ESCO2: variants seen among roughly 807,000 people sequenced by gnomAD.
ESCO2 encodes the protein N-acetyltransferase ESCO2.
A neutral mutation model predicts 61.7 loss-of-function variants in ESCO2; 51 were observed. That is an observed-to-expected ratio of 0.83 (90% CI 0.66 to 1.04). The LOEUF (loss-of-function observed/expected upper bound fraction) is 1.04, where lower values mean the gene tolerates loss of function less well. Ranked by LOEUF, ESCO2 falls within the 50% of genes least tolerant of loss-of-function variation. The pLI is 0.00. For synonymous variants in ESCO2, 230 were observed against 238.2 expected (o/e 0.97, Z 0.32); for missense variants, 692 against 686.2 (o/e 1.01, Z -0.09).
Position 27,803,601 on chromosome 8 carries a change from A to ATT in ESCO2, c.*163_*164insTT, listed in dbSNP as rs1805503090. ...ACATATCACAGTTTTGTTCCTTATGAGTTGAAAAGTCAGGAATAAATTTGT... is the reference window on the plus strand; with the variant it reads ...ACATATCACAGTTTTGTTCCTTATGATTGTTGAAAAGTCAGGAATAAATTTGT... On this transcript the variant is annotated 3_prime_UTR_variant, in exon 11 of 11. Transcript: ENST00000305188. The ATT allele has an allele frequency of 1.4e-6, 2 of 1,385,924 alleles. No homozygotes were observed. The highest frequency in any genetic ancestry group is 3.6e-5 in the South Asian group (2 of 55,662). The allele number at this position is 1,385,924 out of a possible 1,614,324, so 85.9% of individuals were successfully genotyped here.
At chr8:27,791,003 A>G (rs1211162264) in intron 7 of ESCO2, among the ~76,000 whole-genome samples, 1 of 152,176 alleles carries the variant, frequency 6.6e-6, no homozygotes, top group Non-Finnish European at 1.5e-5. Context: ...TTACTCTTTC[A>G]ATTAAAAAGC....
At chr8:27,787,189 T>A (rs1038536162) in intron 5 of ESCO2, among the ~76,000 whole-genome samples, 5 of 152,196 alleles carry the variant, frequency 3.3e-5, no homozygotes, top group Admixed American at 1.3e-4. Context: ...AAATACCATA[T>A]GGGCCAACCA....
At chr8:27,794,179 A>G (rs1050014089) in intron 9 of ESCO2, among the ~76,000 whole-genome samples, 1 of 152,234 alleles carries the variant, frequency 6.6e-6, no homozygotes, top group East Asian at 1.9e-4. Flanking sequence ...TTGGCTATGA[A>G]TAATGCTGCC....
intron 5 of ESCO2, among the ~76,000 whole-genome samples, chr8:27,786,189 G>A (rs1313924409): frequency 6.6e-6 from 1 of 152,192 alleles, no homozygotes; most frequent in Non-Finnish European, 1.5e-5. Flanking sequence ...CAGTTACTAT[G>A]GGACTGAACG....
At chr8:27,807,086 G>T (rs1270726392), downstream of ESCO2, among the ~76,000 whole-genome samples, 3 of 152,000 alleles carry the variant, frequency 2.0e-5, no homozygotes, top group Admixed American at 1.3e-4. Flanking sequence ...TTTTCTTTTA[G>T]AATCTTACAG....
At position 27,776,839 on chromosome 8, in the gene ESCO2, G is replaced by A. The variant is rs1474515655; in HGVS notation, c.531G>A (p.Glu177=). 2 of 1,614,006 alleles carry A rather than the reference G, an allele frequency of 1.2e-6. No homozygotes were observed. Among genetic ancestry groups the A allele is most frequent in the Non-Finnish European group, 1.7e-6 (2 of 1,180,036 alleles). The change falls in exon 3 of 11, where the codon GAG becomes GAA. Residue 177 remains glutamate, a synonymous_variant. Transcript: ENST00000305188. The part of the protein sequence containing the change: ...QNRVIYKPIV[E]KENNCHSAEN... Reference sequence around the variant, plus strand: ...GAGTGATCTATAAGCCAATTGTGGAGAAGGAAAATAATTGTCATTCAGCTG... The same window carrying A: ...GAGTGATCTATAAGCCAATTGTGGAAAAGGAAAATAATTGTCATTCAGCTG...
At position 27,774,998 on chromosome 8, in the gene ESCO2, C is replaced by T. The variant is rs145312011; in HGVS notation, c.-17+391C>T. 7.3e-3 allele frequency among the ~76,000 whole-genome samples: 1,118 copies of T among 152,284 alleles called. 8 individuals carry two copies. The highest frequency in any genetic ancestry group is 0.01 in the Non-Finnish European group (714 of 68,034). Reference sequence around the variant, plus strand: ...ATTCATTAATAGCTTTGAAATAACGCTTGTGTGCTGCTTTGGGGGGAATTT... The same window carrying T: ...ATTCATTAATAGCTTTGAAATAACGTTTGTGTGCTGCTTTGGGGGGAATTT... On this transcript the variant is annotated intron_variant, in intron 1 of 10. Coordinates refer to ENST00000305188, the MANE Select transcript of ESCO2 (RefSeq NM_001017420.3).
At chr8:27,775,712 C>G (rs1422198425) in intron 2 of ESCO2, 145 bp downstream of exon 2, 7 of 736,324 alleles carry the variant, frequency 9.5e-6, no homozygotes, top group African/African-American at 5.3e-5. Flanking sequence ...TATTCTAATT[C>G]TAGCTTGGAA....
chr8:27,788,070 TAGAC>T (rs1435664617), intron 6 of ESCO2, 68 bp downstream of exon 6: 9 of 1,094,062 alleles, frequency 8.2e-6, no homozygotes, highest in South Asian at 3.8e-5. Context: ...ACCCCTGTAT[TAGAC>T]AGTTCAGAAC....
chr8:27,807,349 T>C (rs1805582772), downstream of ESCO2, among the ~76,000 whole-genome samples: 1 of 152,214 alleles, frequency 6.6e-6, no homozygotes, highest in African/African-American at 2.4e-5. Context: ...ATAAAAAGTC[T>C]TTCTTCTATC....
At chr8:27,787,778 G>C (rs1395126509) in intron 5 of ESCO2, 107 bp from the exon 6 acceptor site, 7 of 807,636 alleles carry the variant, frequency 8.7e-6, no homozygotes, top group Non-Finnish European at 1.5e-5. Context: ...GTTAATGTCA[G>C]ATAGAAAGCA....
At chr8:27,815,838 C>T (rs931366398), downstream of ESCO2, among the ~76,000 whole-genome samples, 1 of 152,134 alleles carries the variant, frequency 6.6e-6, no homozygotes, top group African/African-American at 2.4e-5. Context: ...GGATTGGGCC[C>T]CCTGCCACCT....
rs1554554098 is a variant in ESCO2, at chr8:27,777,058, T to TG, written c.751dup (p.Glu251GlyfsTer30). 3.7e-6 allele frequency: 6 copies of TG among 1,606,086 alleles called. No individual in the cohort carries two copies. The highest frequency in any genetic ancestry group is 5.1e-6 in the Non-Finnish European group (6 of 1,178,140). On this transcript the variant is annotated frameshift_variant, in exon 3 of 11. Transcript: ENST00000305188. LOFTEE classifies it high-confidence loss of function. ...AAGATTCTGATGTAGAGACTGTCAG[T>TG]GAAAAAAAAACTTTTGCGACAAGGC... is the stretch of plus-strand genomic sequence containing the variant.
At chr8:27,786,239 A>C (rs375021582) in intron 5 of ESCO2, among the ~76,000 whole-genome samples, 2 of 152,196 alleles carry the variant, frequency 1.3e-5, no homozygotes, top group Non-Finnish European at 2.9e-5. Context: ...AGACAAAAGG[A>C]TCTTTTTAAA....
chr8:27,797,264 A>G (rs1345652838), intron 9 of ESCO2, among the ~76,000 whole-genome samples: 1 of 152,164 alleles, frequency 6.6e-6, no homozygotes, highest in Non-Finnish European at 1.5e-5. Flanking sequence ...AGGTGCTCCA[A>G]TGTTAGATGC....
At chr8:27,787,808 C>A (rs1356831267) in intron 5 of ESCO2, 77 bp from the exon 6 acceptor site, 8 of 1,129,818 alleles carry the variant, frequency 7.1e-6, no homozygotes, top group Non-Finnish European at 9.3e-6. Context: ...GCAAGGTACT[C>A]TGATAAATGG....
At position 27,803,472 on chromosome 8, in the gene ESCO2, G is replaced by T; in HGVS notation, c.*34G>T. 3 of 1,607,722 alleles carry T rather than the reference G, an allele frequency of 1.9e-6. No homozygotes were observed. Among genetic ancestry groups the T allele is most frequent in the Middle Eastern group, 1.7e-4 (1 of 6,038 alleles). ...TCAGTTATAAAGGAGTTACTATCTGGATAAGTTCAAAGAGCTCCTTATTAT... is the reference window on the plus strand; with the variant it reads ...TCAGTTATAAAGGAGTTACTATCTGTATAAGTTCAAAGAGCTCCTTATTAT... On this transcript the variant is annotated 3_prime_UTR_variant, in exon 11 of 11. Coordinates refer to ENST00000305188, the MANE Select transcript of ESCO2 (RefSeq NM_001017420.3).
chr8:27,796,445 C>T (rs1303486353), intron 9 of ESCO2, among the ~76,000 whole-genome samples: 2 of 152,078 alleles, frequency 1.3e-5, no homozygotes, highest in Non-Finnish European at 2.9e-5. Flanking sequence ...TTTCTTCCTT[C>T]TACTAACTTT....
chr8:27,801,856 CTT>C (rs1421444068), intron 10 of ESCO2, among the ~76,000 whole-genome samples: 2 of 151,364 alleles, frequency 1.3e-5, no homozygotes, highest in African/African-American at 4.9e-5. Flanking sequence ...AGAATATTCT[CTT>C]ATATAACCAT....
Sources: allele counts gnomAD v4.1 joint callset (sites outside exome capture counted in the v4.1 genomes callset), GRCh38; gene constraint gnomAD v4.1.1; transcripts MANE v1.5; gene names NCBI Gene and HGNC (gene_info 2026-07-23, HGNC 2026-07-21).